The following ARHGAP12 variants were observed in gnomAD, a reference collection of about 807,000 sequenced individuals.
The protein encoded by ARHGAP12 is rho GTPase-activating protein 12.
ARHGAP12 carries 64 observed loss-of-function variants against 108.6 expected under a neutral mutation model. That is an observed-to-expected ratio of 0.59 (90% confidence interval 0.48 to 0.73). ARHGAP12 has a LOEUF of 0.73. Among genes scored for constraint, ARHGAP12 ranks in the 30% least tolerant of loss-of-function variants. ARHGAP12 has a pLI of 0.00. For missense variants in ARHGAP12, 940 were observed against 1,005.9 expected (o/e 0.93, Z 0.89); for synonymous variants, 312 against 337.2 (o/e 0.93, Z 0.82).
At chr10:31,817,681 A>G in intron 13 of ARHGAP12, 107 bp downstream of exon 13, 1 of 669,556 alleles carries the variant, frequency 1.5e-6, no homozygotes, top group Non-Finnish European at 2.5e-6. Flanking sequence ...AACATATATA[A>G]AGTGCCTTTT....
chr10:31,911,113 T>A (rs535753940), intron 1 of ARHGAP12, among the ~76,000 whole-genome samples: 1 of 152,294 alleles, frequency 6.6e-6, no homozygotes, highest in South Asian at 2.1e-4. Context: ...AGGCTCTGCC[T>A]CCCAGGTTGA....
chr10:31,828,492 G>C (rs1008127037), intron 10 of ARHGAP12, among the ~76,000 whole-genome samples: 1 of 151,744 alleles, frequency 6.6e-6, no homozygotes, highest in Non-Finnish European at 1.5e-5. Flanking sequence ...ATCATCTACT[G>C]ACTCCCTACT....
chr10:31,839,647 T>A lies in ARHGAP12; in HGVS notation c.1361A>T (p.His454Leu), dbSNP rs1836177224. The change falls in exon 8 of 20, where the codon CAC becomes CTC. Residue 454 changes from histidine (H) to leucine (L), a missense_variant. Coordinates refer to ENST00000344936, the MANE Select transcript of ARHGAP12 (RefSeq NM_018287.7). Reference sequence around the variant, plus strand: ...TTCTATCATACTAACTGTATCTTGGTGCTTTGGTGAGGAGGGAGAAGACTC... The same window carrying A: ...TTCTATCATACTAACTGTATCTTGGAGCTTTGGTGAGGAGGGAGAAGACTC... ...ENESSPSSPK[H>L]QDTASSPKDQ... is the part of the protein sequence containing the mutation. 6.2e-7 allele frequency: 1 copy of A among 1,605,790 alleles called. No individual in the cohort carries two copies. Among genetic ancestry groups the A allele is most frequent in the South Asian group, 1.1e-5 (1 of 90,132 alleles).
chr10:31,877,913 G>A (rs1837795919), intron 3 of ARHGAP12, among the ~76,000 whole-genome samples: 1 of 152,124 alleles, frequency 6.6e-6, no homozygotes, highest in Non-Finnish European at 1.5e-5. Flanking sequence ...GGAACGTGGA[G>A]AAACCCTGTC....
intron 6 of ARHGAP12, among the ~76,000 whole-genome samples, chr10:31,850,395 A>T (rs1252369882): frequency 6.6e-6 from 1 of 152,176 alleles, no homozygotes; most frequent in African/African-American, 2.4e-5. Flanking sequence ...TGTTATACAT[A>T]GTTTTCAATA....
At chr10:31,813,926 T>A (rs765166551) in intron 14 of ARHGAP12, among the ~76,000 whole-genome samples, 13 of 152,186 alleles carry the variant, frequency 8.5e-5, no homozygotes, top group Non-Finnish European at 1.3e-4. Flanking sequence ...AGATTCTATG[T>A]AGAATCTTAA....
At chr10:31,914,456 AC>A (rs1319655671) in intron 1 of ARHGAP12, among the ~76,000 whole-genome samples, 3 of 152,146 alleles carry the variant, frequency 2.0e-5, no homozygotes, top group Non-Finnish European at 4.4e-5. Flanking sequence ...CAAAAAAAAA[AC>A]AAATAATCCA....
At chr10:31,926,219 A>C (rs1352543341) in intron 1 of ARHGAP12, among the ~76,000 whole-genome samples, 1 of 152,222 alleles carries the variant, frequency 6.6e-6, no homozygotes, top group East Asian at 1.9e-4. Context: ...AGAGCTAATC[A>C]ATTACAAAAC....
intron 3 of ARHGAP12, among the ~76,000 whole-genome samples, chr10:31,882,497 T>C (rs1838011496): frequency 6.6e-6 from 1 of 152,082 alleles, no homozygotes. Flanking sequence ...TGGAACAAAA[T>C]GCACAAAACT....
intron 9 of ARHGAP12, among the ~76,000 whole-genome samples, chr10:31,834,809 T>C (rs1835951615): frequency 6.6e-6 from 1 of 151,970 alleles, no homozygotes; most frequent in African/African-American, 2.4e-5. Flanking sequence ...ACAGAGAAAA[T>C]AAAGCTTTAA....
intron 1 of ARHGAP12, among the ~76,000 whole-genome samples, chr10:31,922,735 A>G: frequency 6.6e-6 from 1 of 152,218 alleles, no homozygotes; most frequent in Non-Finnish European, 1.5e-5. Context: ...AACGTAAAGA[A>G]GTTACTACCA....
At chr10:31,884,335 A>T (rs1036262076) in intron 3 of ARHGAP12, among the ~76,000 whole-genome samples, 1 of 151,870 alleles carries the variant, frequency 6.6e-6, no homozygotes, top group Non-Finnish European at 1.5e-5. Flanking sequence ...AAAAAAAAAA[A>T]CGGCACAGTT....
chr10:31,864,489 T>C (rs1424621730), intron 3 of ARHGAP12, among the ~76,000 whole-genome samples: 1 of 152,212 alleles, frequency 6.6e-6, no homozygotes, highest in African/African-American at 2.4e-5. Context: ...AATTAACCTA[T>C]AGATTCCATA....
chr10:31,807,636 C>A lies in ARHGAP12; in HGVS notation c.*22G>T. ...ATCTGATGGAATCCAGCTTCTATTC[C>A]ACAGGTTGTCTTCAGTAAGAATCAA... is the stretch of plus-strand genomic sequence containing the variant. On this transcript the variant is annotated 3_prime_UTR_variant, in exon 20 of 20. Coordinates refer to ENST00000344936, the MANE Select transcript of ARHGAP12 (RefSeq NM_018287.7). The A allele has an allele frequency of 6.4e-7, 1 of 1,573,890 alleles. No individual in the cohort carries two copies. Among genetic ancestry groups the A allele is most frequent in the South Asian group, 1.2e-5 (1 of 83,268 alleles).
At chr10:31,876,270 C>T (rs1229680731) in intron 3 of ARHGAP12, among the ~76,000 whole-genome samples, 3 of 152,192 alleles carry the variant, frequency 2.0e-5, no homozygotes, top group African/African-American at 7.2e-5. Flanking sequence ...GTAATCCCAG[C>T]ACTCTGGGAG....
At chr10:31,833,920 T>C (rs1379241305) in intron 9 of ARHGAP12, among the ~76,000 whole-genome samples, 1 of 152,174 alleles carries the variant, frequency 6.6e-6, no homozygotes, top group Non-Finnish European at 1.5e-5. Context: ...GCAGAAAGAA[T>C]GCACTAAGAA....
rs1253052549 is a variant in ARHGAP12, at chr10:31,894,779, C to G, written c.684+13393G>C. Among the ~76,000 whole-genome samples the G allele has an allele frequency of 1.9e-4, 29 of 152,240 alleles. No homozygotes were observed. In the East Asian group the frequency reaches 5.6e-3, roughly 29 times the overall value. Reference sequence around the variant, plus strand: ...AGTTCATATGGAACCAAAAAAGAGCCCGCATCACCAAGTCAATCCTAAGCC... The same window carrying G: ...AGTTCATATGGAACCAAAAAAGAGCGCGCATCACCAAGTCAATCCTAAGCC... On this transcript the variant is annotated intron_variant, in intron 3 of 19. Transcript: ENST00000344936.
intron 3 of ARHGAP12, among the ~76,000 whole-genome samples, chr10:31,893,751 CCAA>C (rs539911324): frequency 1.5e-3 from 227 of 152,286 alleles, no homozygotes; most frequent in African/African-American, 5.2e-3. Flanking sequence ...CTTTATGAGG[CCAA>C]CATCATCCTG....
rs1051971259 is a variant in ARHGAP12, at chr10:31,844,470, T to C, written c.1171-884A>G. Among the ~76,000 whole-genome samples the C allele has an allele frequency of 3.9e-5, 6 of 152,164 alleles. No homozygotes were observed. The South Asian group carries it at 1.2e-3, about 31-fold the overall frequency. On this transcript the variant is annotated intron_variant, in intron 6 of 19. Transcript: ENST00000344936. ...CTTAGTAACATTCTTACTTAGTCCA[T>C]GCTTACCCCATTGATTTGTTTTCTT...
Sources: allele counts gnomAD v4.1 joint callset (sites outside exome capture counted in the v4.1 genomes callset), GRCh38; gene constraint gnomAD v4.1.1; transcripts MANE v1.5; gene names NCBI Gene and HGNC (gene_info 2026-07-23, HGNC 2026-07-21).